The following HLCS variants were observed in gnomAD, a reference collection of about 807,000 sequenced individuals.
The protein encoded by HLCS is holocarboxylase synthetase, also known as biotin--protein ligase.
Under a neutral mutation model 75.0 loss-of-function variants are expected in HLCS, and 53 were observed. The observed-to-expected ratio is 0.71, with a 90% CI of 0.57 to 0.89. The LOEUF (loss-of-function observed/expected upper bound fraction) is 0.89, where lower values mean the gene tolerates loss of function less well. Ranked by LOEUF, HLCS falls within the 40% of genes least tolerant of loss-of-function variation. The pLI is 0.00. For synonymous variants in HLCS, 431 were observed against 428.6 expected, an observed-to-expected ratio of 1.01 and a Z score of -0.07; for missense variants, 966 against 1,074.0, an observed-to-expected ratio of 0.90 and a Z score of 1.41.
At chr21:36,866,784 G>T (rs1297854594) in intron 6 of HLCS, among the ~76,000 whole-genome samples, 1 of 150,876 alleles carries the variant, frequency 6.6e-6, no homozygotes, top group Admixed American at 6.6e-5. Flanking sequence ...TAACTAAGTA[G>T]AAATAAATTA....
intron 6 of HLCS, among the ~76,000 whole-genome samples, chr21:36,867,202 G>GC (rs1389302651): frequency 6.6e-6 from 1 of 152,152 alleles, no homozygotes; most frequent in East Asian, 1.9e-4. Context: ...GATGGGCGTT[G>GC]CAACATTGGT....
intron 1 of HLCS, chr21:36,974,634 T>C (rs1456788075): frequency 6.6e-6 from 1 of 152,154 alleles, no homozygotes; most frequent in Non-Finnish European, 1.5e-5. Context: ...AAGGATAAAA[T>C]AGTCATTAAG....
At chr21:36,803,849 T>C (rs1005716827) in intron 6 of HLCS, 3 of 151,770 alleles carry the variant, frequency 2.0e-5, no homozygotes, top group Admixed American at 1.3e-4. Flanking sequence ...TGATGGGCAA[T>C]TGGGTCTCAA....
chr21:36,902,454 ACCCCACTGG>A (rs889281344), intron 5 of HLCS, among the ~76,000 whole-genome samples: 2 of 152,044 alleles, frequency 1.3e-5, no homozygotes, highest in African/African-American at 4.8e-5. Context: ...TGGTCTTATG[ACCCCACTGG>A]CTGCAGAACT....
intron 6 of HLCS, among the ~76,000 whole-genome samples, chr21:36,831,023 T>C (rs934320847): frequency 4.6e-5 from 7 of 152,150 alleles, no homozygotes; most frequent in Admixed American, 2.0e-4. Flanking sequence ...TTAAATCTTA[T>C]CTGCTGATAA....
At chr21:36,917,582 T>C (rs770042773) in intron 5 of HLCS, among the ~76,000 whole-genome samples, 13 of 152,196 alleles carry the variant, frequency 8.5e-5, no homozygotes, top group Non-Finnish European at 1.6e-4. Flanking sequence ...TCCTACGTCA[T>C]ACCTGGCTGT....
At position 36,897,196 on chromosome 21, in the gene HLCS, T is replaced by C. The variant is rs563367744; in HGVS notation, c.1621-65A>G. 1.2e-5 allele frequency: 19 copies of C among 1,558,500 alleles called. No homozygotes were observed. The African/African-American group carries it at 2.4e-4, about 20-fold the overall frequency. On this transcript the variant is annotated intron_variant, in intron 5 of 10. Transcript: ENST00000674895. Reference sequence around the variant, plus strand: ...CATTACATTAGATCATGGTAGCTTTTCCTTATAATGCCATTTTGGTAATAT... The same window carrying C: ...CATTACATTAGATCATGGTAGCTTTCCCTTATAATGCCATTTTGGTAATAT...
At position 36,905,476 on chromosome 21, in the gene HLCS, AT is replaced by A. The variant is rs71929215; in HGVS notation, c.1621-8346del. On this transcript the variant is annotated intron_variant, in intron 5 of 10. Transcript: ENST00000674895. ...GGTTTATAAAATTCTAATTAATGTT[AT>A]TTTTCTAACATTTAATCTTCAAGAA... Among the ~76,000 whole-genome samples the A allele has an allele frequency of 9.4e-3, 1,433 of 152,248 alleles. 15 individuals carry two copies. Among genetic ancestry groups the A allele is most frequent in the African/African-American group, 0.029 (1,208 of 41,552 alleles).
At chr21:36,980,324 T>C (rs2069082726) in intron 1 of HLCS, 1 of 152,170 alleles carries the variant, frequency 6.6e-6, no homozygotes. Flanking sequence ...ATGATACAGC[T>C]GAACTGAACT....
rs553303356 is a variant in HLCS at position 36,749,526 on chromosome 21, G to A, written c.*4720C>T. ...AATCCCTACAGGGTGTCTGTCAGTG[G>A]GCCTCATGGTAAGAGTCACAATTTG... On this transcript the variant is annotated 3_prime_UTR_variant, in exon 11 of 11. Coordinates refer to ENST00000674895, the MANE Select transcript of HLCS (RefSeq NM_001352514.2). The A allele has an allele frequency of 2.0e-5, 3 of 151,266 alleles. No individual in the cohort carries two copies. Among genetic ancestry groups the A allele is most frequent in the Non-Finnish European group, 2.9e-5 (2 of 67,916 alleles). 9.4% of individuals were successfully genotyped at this position (151,266 alleles called of 1,614,324 possible). A position where few individuals can be genotyped will look rare whatever the true frequency, so the allele number is the denominator to read the frequency against.
chr21:36,757,094 A>G (rs534031787), intron 9 of HLCS: 30 of 281,030 alleles, frequency 1.1e-4, no homozygotes, highest in Non-Finnish European at 1.0e-4. Context: ...TAAGTGGTCT[A>G]CCAAGCATTG....
At chr21:36,780,303 C>T (rs980284648) in intron 6 of HLCS, among the ~76,000 whole-genome samples, 12 of 152,086 alleles carry the variant, frequency 7.9e-5, no homozygotes, top group Non-Finnish European at 7.3e-5. Context: ...AGTGCAGTGG[C>T]GCGATCCCAG....
chr21:36,886,818 A>G (rs984604191), intron 6 of HLCS, among the ~76,000 whole-genome samples: 1 of 152,104 alleles, frequency 6.6e-6, no homozygotes, highest in Non-Finnish European at 1.5e-5. Flanking sequence ...TCTTTCTGCC[A>G]TGTGCGGATA....
Position 36,752,956 on chromosome 21 carries a change from C to CAA in HLCS, c.*1288_*1289dup, listed in dbSNP as rs1009642522. The CAA allele has an allele frequency of 2.0e-5, 3 of 152,514 alleles. No individual in the cohort carries two copies. The highest frequency in any genetic ancestry group is 7.2e-5 in the African/African-American group (3 of 41,392). The allele number at this position is 152,514 out of a possible 1,614,324, so 9.4% of individuals were successfully genotyped here. On this transcript the variant is annotated 3_prime_UTR_variant, in exon 11 of 11. Coordinates refer to ENST00000674895, the MANE Select transcript of HLCS (RefSeq NM_001352514.2). ...TGGGACTGGAAGAGAGAAAACTGGA[C>CAA]AAAAATTGGCCTTTTAAAAAGCTGA...
intron 6 of HLCS, among the ~76,000 whole-genome samples, chr21:36,829,575 T>C (rs1458615649): frequency 6.6e-6 from 1 of 152,268 alleles, no homozygotes; most frequent in Non-Finnish European, 1.5e-5. Flanking sequence ...TTTGTAACTA[T>C]GCAGACATTT....
At chr21:36,912,917 C>A (rs1223303820) in intron 5 of HLCS, among the ~76,000 whole-genome samples, 1 of 152,176 alleles carries the variant, frequency 6.6e-6, no homozygotes, top group Non-Finnish European at 1.5e-5. Flanking sequence ...CCTCTCAGAA[C>A]AAAAGTCATT....
At chr21:36,819,792 C>T (rs538956831) in intron 6 of HLCS, among the ~76,000 whole-genome samples, 58 of 152,176 alleles carry the variant, frequency 3.8e-4, no homozygotes, top group African/African-American at 1.3e-3. Flanking sequence ...CATACTCTTT[C>T]CACTTTCCCA....
At chr21:36,981,283 G>A (rs1220979848) in intron 1 of HLCS, among the ~76,000 whole-genome samples, 4 of 152,048 alleles carry the variant, frequency 2.6e-5, no homozygotes, top group African/African-American at 9.7e-5. Context: ...TGAAGGAGGT[G>A]CAATGTATGG....
intron 5 of HLCS, among the ~76,000 whole-genome samples, chr21:36,906,475 C>T (rs549079372): frequency 6.4e-4 from 97 of 152,246 alleles, no homozygotes; most frequent in African/African-American, 2.2e-3. Context: ...TAGGCTGCAA[C>T]AAGCCATGAT....
Sources: gnomAD v4.1 joint callset for allele counts (sites outside exome capture counted in the v4.1 genomes callset) on GRCh38, gnomAD v4.1.1 for gene constraint, MANE v1.5 for transcripts, NCBI Gene and HGNC (gene_info 2026-07-23, HGNC 2026-07-21) for gene names.